Variants in NFIB observed in about 807,000 individuals in gnomAD.
NFIB encodes the protein nuclear factor I B.
A neutral mutation model predicts 61.5 loss-of-function variants in NFIB; 11 were observed. That is an observed-to-expected ratio of 0.18 (90% CI 0.11 to 0.30). The LOEUF (loss-of-function observed/expected upper bound fraction) is 0.30, where lower values mean the gene tolerates loss of function less well. Among genes scored for constraint, NFIB ranks in the 10% least tolerant of loss-of-function variants. NFIB has a pLI of 1.00. For missense variants in NFIB, 471 were observed against 608.9 expected, an observed-to-expected ratio of 0.77 and a Z score of 2.38; for synonymous variants, 260 against 216.5, an observed-to-expected ratio of 1.20 and a Z score of -1.76.
At chr9:14,512,364 C>G in the NFIB span, among the ~76,000 whole-genome samples, 1 of 151,318 alleles carries the variant, frequency 6.6e-6, no homozygotes, top group Admixed American at 6.6e-5. Context: ...TCAGACAACA[C>G]ACTCTGTGAA....
intron 2 of NFIB, among the ~76,000 whole-genome samples, chr9:14,274,247 T>C: frequency 2.8e-5 from 1 of 35,754 alleles, no homozygotes. Context: ...GCATTCTTCC[T>C]CCCTACACAC....
At chr9:14,277,828 CT>C (rs1407553180) in intron 2 of NFIB, among the ~76,000 whole-genome samples, 37 of 152,254 alleles carry the variant, frequency 2.4e-4, no homozygotes, top group African/African-American at 8.9e-4. Flanking sequence ...CCAGTGTACC[CT>C]CCTTTTTTCT....
chr9:14,511,685 C>G, the NFIB span, among the ~76,000 whole-genome samples: 1 of 152,154 alleles, frequency 6.6e-6, no homozygotes, highest in Non-Finnish European at 1.5e-5. Flanking sequence ...CACTGCTTTT[C>G]AAATGTATTC....
At chr9:14,207,457 G>C (rs1431169162) in intron 2 of NFIB, among the ~76,000 whole-genome samples, 1 of 152,214 alleles carries the variant, frequency 6.6e-6, no homozygotes, top group Non-Finnish European at 1.5e-5. Flanking sequence ...GTACAAACTG[G>C]GAGGAGGATG....
Position 14,307,490 on chromosome 9 carries a change from G to T in NFIB, c.61C>A (p.Leu21Ile). ...TAGGCAATTGCACGGACATGTGGAAGAAGTGCCTCGATGAATGGGTGAAAT... is the reference window on the plus strand; with the variant it reads ...TAGGCAATTGCACGGACATGTGGAATAAGTGCCTCGATGAATGGGTGAAAT... ...DEFHPFIEALLPHVRAIAYTW... is the reference protein window; with the variant it reads ...DEFHPFIEALIPHVRAIAYTW... The change falls in exon 2 of 11, where the codon CTT (leucine) becomes ATT (isoleucine). Residue 21 changes from leucine to isoleucine, a missense_variant. By Grantham distance (5) the Leu-to-Ile change is conservative. Coordinates refer to ENST00000380953, the MANE Select transcript of NFIB (RefSeq NM_001190737.2). The surrounding 1 kb of genome is among the most constrained non-coding windows in gnomAD (Gnocchi z 5.3). 1.2e-6 allele frequency: 2 copies of T among 1,608,682 alleles called. No homozygotes were observed. Among genetic ancestry groups the T allele is most frequent in the Non-Finnish European group, 1.7e-6 (2 of 1,176,198 alleles).
intron 1 of NFIB, among the ~76,000 whole-genome samples, chr9:14,389,236 T>G (rs1199968270): frequency 2.0e-5 from 3 of 152,182 alleles, no homozygotes; most frequent in Admixed American, 1.3e-4. Flanking sequence ...ACTTATCTTT[T>G]CCTGGTGCTC....
At chr9:14,245,950 G>A (rs2054876571) in intron 2 of NFIB, among the ~76,000 whole-genome samples, 1 of 151,920 alleles carries the variant, frequency 6.6e-6, no homozygotes, top group Admixed American at 6.6e-5. Context: ...CATCTAGACA[G>A]GTCAGAAATG....
At chr9:14,420,002 C>G in the NFIB span, among the ~76,000 whole-genome samples, 1 of 152,128 alleles carries the variant, frequency 6.6e-6, no homozygotes, top group South Asian at 2.1e-4. Flanking sequence ...TTATTAATAT[C>G]AGGTTGGGGA....
chr9:14,506,793 G>A, the NFIB span, among the ~76,000 whole-genome samples: 1 of 152,164 alleles, frequency 6.6e-6, no homozygotes, highest in South Asian at 2.1e-4. Context: ...TGGCTGAAAG[G>A]GGAGAGCAGT....
At chr9:14,500,803 A>T in the NFIB span, among the ~76,000 whole-genome samples, 1 of 152,116 alleles carries the variant, frequency 6.6e-6, no homozygotes, top group Admixed American at 6.5e-5. Flanking sequence ...TGGGACTCTC[A>T]CGCATTTCCC....
the NFIB span, among the ~76,000 whole-genome samples, chr9:14,441,414 T>C: frequency 2.8e-3 from 431 of 152,260 alleles, 1 homozygote; most frequent in African/African-American, 0.01. Context: ...TCTTTTCTCA[T>C]TATTTGTGTA....
rs904766364 is a variant in NFIB at position 14,116,337 on chromosome 9, T to G, written c.1255A>C (p.Ser419Arg). 3.3e-6 allele frequency: 5 copies of G among 1,510,654 alleles called. No individual in the cohort carries two copies. The highest frequency in any genetic ancestry group is 3.5e-6 in the Non-Finnish European group (4 of 1,128,276). 93.6% of individuals were successfully genotyped at this position (1,510,654 alleles called of 1,614,324 possible). Residue 419 changes from serine (S) to arginine (R), a missense_variant, in exon 9 of 11, where the codon AGT becomes CGT. Physicochemically the swap from Ser to Arg is moderately radical, Grantham distance 110 (BLOSUM62 -1). Around this residue, in one of 2 missense-constraint regions of NFIB, gnomAD observed 372 missense variants for 395.6 expected, o/e 0.94. Transcript: ENST00000380953. ...GGCACTTTCCCTACTACTTGACCAC[T>G]GCCGTTAGGCTACAAAACAAAAACA... Reference protein sequence around the residue: ...SSPQTSQPNGSGQVVGKVPGH... With the variant: ...SSPQTSQPNGRGQVVGKVPGH...
the NFIB span, among the ~76,000 whole-genome samples, chr9:14,458,745 C>A: frequency 1.3e-5 from 2 of 152,142 alleles, no homozygotes; most frequent in Non-Finnish European, 1.5e-5. Flanking sequence ...AGAGCCAAAT[C>A]ATGAGTAAAC....
At chr9:14,329,403 T>C (rs1264811401) in intron 1 of NFIB, among the ~76,000 whole-genome samples, 1 of 152,156 alleles carries the variant, frequency 6.6e-6, no homozygotes, top group Non-Finnish European at 1.5e-5. Context: ...TAGCCACTCA[T>C]CACCTTTTAT....
chr9:14,293,475 G>A (rs1479522336), intron 2 of NFIB, among the ~76,000 whole-genome samples: 1 of 152,110 alleles, frequency 6.6e-6, no homozygotes, highest in Middle Eastern at 3.2e-3. Context: ...CAATAATAAA[G>A]AAGCCCATGG....
At chr9:14,440,937 G>T in the NFIB span, among the ~76,000 whole-genome samples, 1 of 152,128 alleles carries the variant, frequency 6.6e-6, no homozygotes, top group South Asian at 2.1e-4. Flanking sequence ...GTGTTGTGTA[G>T]AACATACAAC....
chr9:14,523,513 C>A, the NFIB span, among the ~76,000 whole-genome samples: 1 of 152,160 alleles, frequency 6.6e-6, no homozygotes, highest in African/African-American at 2.4e-5. Context: ...TGCCAGAGAC[C>A]TTCCCGACAT....
chr9:14,126,956 A>G (rs1240989073), intron 6 of NFIB, among the ~76,000 whole-genome samples: 1 of 152,176 alleles, frequency 6.6e-6, no homozygotes, highest in Non-Finnish European at 1.5e-5. Context: ...TAAAGCTTAA[A>G]ATCTAGTGAG....
At chr9:14,237,988 A>T (rs764275969) in intron 2 of NFIB, among the ~76,000 whole-genome samples, 3 of 151,966 alleles carry the variant, frequency 2.0e-5, no homozygotes, top group Non-Finnish European at 2.9e-5. Context: ...ACAGTAAACC[A>T]AGAAACAAAT....
Sources: gnomAD v4.1 joint callset for allele counts (sites outside exome capture counted in the v4.1 genomes callset) on GRCh38, gnomAD v4.1.1 for gene constraint, gnomAD v4.1.1 regional missense constraint, Gnocchi (gnomAD v3.1) non-coding constraint, MANE v1.5 for transcripts, NCBI Gene and HGNC (gene_info 2026-07-23, HGNC 2026-07-21) for gene names.